The following PLA2G4A variants were observed in gnomAD, a reference collection of about 807,000 sequenced individuals.
The protein encoded by PLA2G4A is phospholipase A2 group IVA.
A neutral mutation model predicts 81.9 loss-of-function variants in PLA2G4A; 40 were observed. The observed-to-expected ratio is 0.49, with a 90% CI of 0.38 to 0.64. The LOEUF (loss-of-function observed/expected upper bound fraction) is 0.64, where lower values mean the gene tolerates loss of function less well. Ranked by LOEUF, PLA2G4A falls within the 30% of genes least tolerant of loss-of-function variation. The probability of loss-of-function intolerance (pLI) is 0.00; values close to 1 mark genes in which losing one functional copy is unlikely to be tolerated. For synonymous variants in PLA2G4A, 302 were observed against 296.9 expected (o/e 1.02, Z -0.18); for missense variants, 715 against 905.1 (o/e 0.79, Z 2.69).
chr1:186,857,261 C>T lies in PLA2G4A; in HGVS notation c.33+2874C>T, dbSNP rs1325437291. On this transcript the variant is annotated intron_variant, in intron 2 of 17. Transcript: ENST00000367466. ...ACACATGTGGGGGCTGCATGGCAGT[C>T]AGTAATAAGGCTGACTGCCTTATAT... Among the ~76,000 whole-genome samples, 4 of 130,296 alleles carry T rather than the reference C, an allele frequency of 3.1e-5. No individual in the cohort carries two copies. In the East Asian group the frequency reaches 6.2e-4, roughly 20 times the overall value. 85.5% of individuals were successfully genotyped at this position (130,296 alleles called of 152,430 possible).
chr1:186,861,447 C>T (rs1004105278), intron 2 of PLA2G4A, among the ~76,000 whole-genome samples: 4 of 152,160 alleles, frequency 2.6e-5, no homozygotes, highest in African/African-American at 9.7e-5. Context: ...GTAGTTAATG[C>T]TTTCCTATCT....
At position 186,965,522 on chromosome 1, in the gene PLA2G4A, CAG is replaced by C; in HGVS notation, c.1698_1699del (p.Val568Ter). On this transcript the variant is annotated frameshift_variant, in exon 15 of 18. Transcript: ENST00000367466. LOFTEE classifies it high-confidence loss of function. ...NLPYPLILRP[Q>X]RGVDLIISFD... ...GCCGTATCCCTTGATACTGAGACCT[CAG>C]AGAGGGGTTGATCTCATAATCTCCT... 1 of 1,612,878 alleles carries C rather than the reference CAG, an allele frequency of 6.2e-7. No individual in the cohort carries two copies. Among genetic ancestry groups the C allele is most frequent in the Non-Finnish European group, 8.5e-7 (1 of 1,178,858 alleles).
At chr1:186,965,330 T>C in intron 14 of PLA2G4A, 79 bp from the exon 15 acceptor site, 1 of 1,157,050 alleles carries the variant, frequency 8.6e-7, no homozygotes, top group Non-Finnish European at 1.3e-6. Context: ...TCTTTCAAAT[T>C]TGAAACCAAC....
At chr1:186,912,931 A>G (rs1300189077) in intron 7 of PLA2G4A, among the ~76,000 whole-genome samples, 3 of 150,008 alleles carry the variant, frequency 2.0e-5, no homozygotes, top group Non-Finnish European at 4.4e-5. Context: ...TCAAATATAA[A>G]AGGATTAAAA....
intron 3 of PLA2G4A, among the ~76,000 whole-genome samples, chr1:186,881,879 T>C (rs936191127): frequency 6.6e-6 from 1 of 152,070 alleles, no homozygotes; most frequent in African/African-American, 2.4e-5. Flanking sequence ...TAGTAATGTG[T>C]ATCATGTTCC....
intron 15 of PLA2G4A, among the ~76,000 whole-genome samples, chr1:186,973,641 T>C (rs1317817899): frequency 1.3e-5 from 2 of 152,206 alleles, no homozygotes; most frequent in Non-Finnish European, 2.9e-5. Context: ...GAGTTTATGG[T>C]AACATCCCTG....
At chr1:186,905,698 TCA>T (rs71104895) in intron 5 of PLA2G4A, among the ~76,000 whole-genome samples, 117 of 148,902 alleles carry the variant, frequency 7.9e-4, no homozygotes, top group East Asian at 7.3e-3. Flanking sequence ...CTCCTCCTCC[TCA>T]CACACACACA....
chr1:186,950,056 T>C (rs1398001225), intron 12 of PLA2G4A, among the ~76,000 whole-genome samples: 2 of 152,102 alleles, frequency 1.3e-5, no homozygotes, highest in African/African-American at 2.4e-5. Context: ...CTAGTTATTA[T>C]GCTAGAATTT....
intron 14 of PLA2G4A, among the ~76,000 whole-genome samples, chr1:186,961,250 G>A (rs1656932777): frequency 6.6e-6 from 1 of 152,108 alleles, no homozygotes; most frequent in African/African-American, 2.4e-5. Flanking sequence ...AGTGAGAGAG[G>A]AGGAATAAGT....
chr1:186,864,981 T>C (rs529009602), intron 2 of PLA2G4A, among the ~76,000 whole-genome samples: 23 of 151,252 alleles, frequency 1.5e-4, no homozygotes, highest in African/African-American at 5.3e-4. Flanking sequence ...TGTGTGCTTG[T>C]AATCCAAGCT....
chr1:186,965,458 A>G lies in PLA2G4A; in HGVS notation c.1629A>G (p.Lys543=). The G allele has an allele frequency of 6.2e-7, 1 of 1,612,362 alleles. No individual in the cohort carries two copies. Among genetic ancestry groups the G allele is most frequent in the Non-Finnish European group, 8.5e-7 (1 of 1,178,366 alleles). ...ATGAGCCTCTGGATGTCAAAAGTAAAAAGATTCATGTAGTGGACAGTGGGC... is the reference window on the plus strand; with the variant it reads ...ATGAGCCTCTGGATGTCAAAAGTAAGAAGATTCATGTAGTGGACAGTGGGC... The part of the protein sequence containing the change: ...RIYEPLDVKS[K]KIHVVDSGLT... Residue 543 remains lysine, a synonymous_variant, in exon 15 of 18, where the codon AAA becomes AAG. Transcript: ENST00000367466.
chr1:186,886,750 G>C (rs1653950714), intron 3 of PLA2G4A, among the ~76,000 whole-genome samples: 1 of 152,078 alleles, frequency 6.6e-6, no homozygotes, highest in Admixed American at 6.6e-5. Flanking sequence ...TTTATGTCTG[G>C]AGAGAAATAG....
intron 1 of PLA2G4A, among the ~76,000 whole-genome samples, chr1:186,831,007 T>C (rs1054424812): frequency 5.5e-5 from 8 of 145,160 alleles, no homozygotes; most frequent in Non-Finnish European, 6.1e-5. Flanking sequence ...TCTTTCTTTC[T>C]TTCTTTCTTT....
At chr1:186,942,737 T>C (rs149445924) in intron 10 of PLA2G4A, among the ~76,000 whole-genome samples, 237 of 152,298 alleles carry the variant, frequency 1.6e-3, no homozygotes, top group African/African-American at 5.6e-3. Context: ...CTGGGTTCTT[T>C]TAGACTGAAA....
intron 14 of PLA2G4A, among the ~76,000 whole-genome samples, chr1:186,965,186 ATTTGATAATTACT>A (rs1657088384): frequency 6.6e-6 from 1 of 152,212 alleles, no homozygotes; most frequent in Admixed American, 6.5e-5. Context: ...CAGCAACCTT[ATTTGATAATTACT>A]TTTATCCTGA....
rs1395565339 is a variant in PLA2G4A at position 186,988,491 on chromosome 1, A to G, written c.2233A>G (p.Ser745Gly). Residue 745 changes from serine to glycine, a missense_variant, in exon 18 of 18, where the codon AGT becomes GGT. By Grantham distance (56) the Ser-to-Gly change is moderately conservative (BLOSUM62 0). Coordinates refer to ENST00000367466, the MANE Select transcript of PLA2G4A (RefSeq NM_024420.3). ...ARRFFNKEFLSKPKA is the reference protein window; with the variant it reads ...ARRFFNKEFLGKPKA ...AAGATTTTTCAACAAGGAGTTTCTA[A>G]GTAAACCCAAAGCATAGTTCATGTA... The G allele has an allele frequency of 4.3e-6, 7 of 1,612,124 alleles. No homozygotes were observed. Among genetic ancestry groups the G allele is most frequent in the African/African-American group, 1.3e-5 (1 of 74,874 alleles).
At chr1:186,977,533 G>T in intron 15 of PLA2G4A, 60 bp from the exon 16 acceptor site, 1 of 1,143,202 alleles carries the variant, frequency 8.7e-7, no homozygotes, top group South Asian at 1.3e-5. Flanking sequence ...ATTATGGTCA[G>T]ACCAACTGAA....
At chr1:186,934,479 G>C (rs1319997334) in intron 8 of PLA2G4A, among the ~76,000 whole-genome samples, 1 of 47,326 alleles carries the variant, frequency 2.1e-5, no homozygotes, top group East Asian at 6.4e-4. Flanking sequence ...CACAGAGAGA[G>C]TAATTAAAAG....
chr1:186,893,077 G>A lies in PLA2G4A; in HGVS notation c.182G>A (p.Arg61Lys). Residue 61 changes from arginine (R) to lysine (K), a missense_variant, in exon 4 of 18, where the codon AGA becomes AAA. By Grantham distance (26) the Arg-to-Lys change is conservative. Transcript: ENST00000367466. ...ACCCCTGACAGCAGGAAGAGAACAA[G>A]ACATTTCAATAATGACATAAACCCT... is the stretch of plus-strand genomic sequence containing the variant. Reference protein sequence around the residue: ...STTPDSRKRTRHFNNDINPVW... With the variant: ...STTPDSRKRTKHFNNDINPVW... 4.3e-6 allele frequency: 7 copies of A among 1,609,544 alleles called. No individual in the cohort carries two copies. The highest frequency in any genetic ancestry group is 1.3e-5 in the African/African-American group (1 of 74,950).
Sources: gnomAD v4.1 joint callset for allele counts (sites outside exome capture counted in the v4.1 genomes callset) on GRCh38, gnomAD v4.1.1 for gene constraint, MANE v1.5 for transcripts, NCBI Gene and HGNC (gene_info 2026-07-23, HGNC 2026-07-21) for gene names.